CERS4: variants seen among roughly 807,000 people sequenced by gnomAD.
The protein encoded by CERS4 is LAG1 homolog, ceramide synthase 4.
CERS4 carries 65 observed loss-of-function variants against 51.8 expected under a neutral mutation model. The ratio of observed to expected loss-of-function variants is 1.26; its 90% CI spans 1.03 to 1.54. CERS4 has a LOEUF of 1.54. CERS4 is among the 40% of genes most tolerant of loss of function. The probability of loss-of-function intolerance (pLI) is 0.00; values close to 1 mark genes in which losing one functional copy is unlikely to be tolerated. For missense variants in CERS4, 563 were observed against 500.4 expected, an observed-to-expected ratio of 1.13 and a Z score of -1.19; for synonymous variants, 228 against 208.4, an observed-to-expected ratio of 1.09 and a Z score of -0.81.
At chr19:8,249,678 G>A (rs969565890) in intron 2 of CERS4, among the ~76,000 whole-genome samples, 4 of 126,726 alleles carry the variant, frequency 3.2e-5, no homozygotes, top group South Asian at 2.8e-4. Context: ...TGCAACCTCC[G>A]CCTCCCGGGT....
chr19:8,223,368 C>T (rs1367654414), intron 2 of CERS4, among the ~76,000 whole-genome samples: 1 of 151,674 alleles, frequency 6.6e-6, no homozygotes, highest in Non-Finnish European at 1.5e-5. Context: ...GTAATCCCAG[C>T]ACTTTGGGAG....
At position 8,257,922 on chromosome 19, in the gene CERS4, A is replaced by G. The variant is rs1308304086; in HGVS notation, c.785A>G (p.Asp262Gly). The G allele has an allele frequency of 1.2e-6, 2 of 1,613,840 alleles. No individual in the cohort carries two copies. The highest frequency in any genetic ancestry group is 2.7e-5 in the African/African-American group (2 of 74,894). ...VNYMQYQQVC[D>G]ALFLIFSFVF... Reference sequence around the variant, plus strand: ...TACATGCAGTATCAGCAAGTGTGCGACGCTCTCTTCCTCATCTTCTCCTTT... The same window carrying G: ...TACATGCAGTATCAGCAAGTGTGCGGCGCTCTCTTCCTCATCTTCTCCTTT... Residue 262 changes from aspartate (D) to glycine (G), a missense_variant, in exon 10 of 12, where the codon GAC (aspartate) becomes GGC (glycine). Transcript: ENST00000251363.
At chr19:8,249,983 G>A (rs987233081) in intron 2 of CERS4, among the ~76,000 whole-genome samples, 2 of 151,436 alleles carry the variant, frequency 1.3e-5, no homozygotes, top group Admixed American at 6.6e-5. Flanking sequence ...GAGGACTCAA[G>A]TTCTTTTTTT....
rs142319862 is a variant in CERS4, at chr19:8,261,710, G to T, written c.871G>T (p.Glu291Ter). The change falls in exon 11 of 12, where the codon GAG (glutamate) becomes TAG (stop). Residue 291 changes from glutamate to a stop codon, truncating the protein, a stop_gained. Transcript: ENST00000251363. LOFTEE classifies it high-confidence loss of function. ...TAGGATCCTCTACACCACATACTAC[G>T]AGTCCATCAGCAACAGGGGCCCCTT... ...PTQILYTTYY[E>*]SISNRGPFFG... 6.2e-7 allele frequency: 1 copy of T among 1,614,036 alleles called. No individual in the cohort carries two copies. Among genetic ancestry groups the T allele is most frequent in the East Asian group, 2.2e-5 (1 of 44,872 alleles).
At position 8,257,000 on chromosome 19, in the gene CERS4, T is replaced by A. The variant is rs750863025; in HGVS notation, c.664T>A (p.Phe222Ile). The change falls in exon 9 of 12, where the codon TTC becomes ATC. Residue 222 changes from phenylalanine to isoleucine, a missense_variant. By Grantham distance (21) the Phe-to-Ile change is conservative (BLOSUM62 0). Transcript: ENST00000251363. ...HHFVAVILMTFSYSANLLRIG... is the reference protein window; with the variant it reads ...HHFVAVILMTISYSANLLRIG... ...CTTCGTGGCGGTCATCCTGATGACC[T>A]TCTCCTACAGTGCCAACCTGCTGCG... 24 of 1,614,058 alleles carry A rather than the reference T, an allele frequency of 1.5e-5. No homozygotes were observed. Among genetic ancestry groups the A allele is most frequent in the Non-Finnish European group, 2.0e-5 (24 of 1,179,968 alleles).
At chr19:8,259,124 ACT>A (rs1969545956) in intron 10 of CERS4, among the ~76,000 whole-genome samples, 2 of 152,146 alleles carry the variant, frequency 1.3e-5, no homozygotes, top group Non-Finnish European at 2.9e-5. Flanking sequence ...ACAGAGCAAG[ACT>A]CTGTCTCTAA....
At chr19:8,221,183 G>A (rs144342274) in intron 2 of CERS4, among the ~76,000 whole-genome samples, 29 of 151,008 alleles carry the variant, frequency 1.9e-4, no homozygotes, top group African/African-American at 6.8e-4. Flanking sequence ...TGCTCAGGCT[G>A]GTCTTGAACT....
intron 10 of CERS4, among the ~76,000 whole-genome samples, chr19:8,260,604 GTTTT>G (rs544510608): frequency 2.6e-5 from 4 of 151,236 alleles, no homozygotes; most frequent in African/African-American, 9.7e-5. Flanking sequence ...TGAGCTTTTT[GTTTT>G]TTTCTTTCTT....
In CERS4 at chr19:8,213,778, C is replaced by G. The variant is rs561897791; in HGVS notation, c.-2+2916C>G. On this transcript the variant is annotated intron_variant, in intron 2 of 11. Transcript: ENST00000251363. ...GTCAGGAGTTCGAGACCAGCCTGGC[C>G]AATATAGTGAAACCCCGTCTCTACT... Among the ~76,000 whole-genome samples, 43 of 152,148 alleles carry G rather than the reference C, an allele frequency of 2.8e-4. 1 individual carries two copies. The South Asian group carries it at 7.9e-3, about 28-fold the overall frequency.
intron 2 of CERS4, among the ~76,000 whole-genome samples, chr19:8,248,815 A>G (rs1269083106): frequency 2.2e-5 from 3 of 139,086 alleles, no homozygotes; most frequent in African/African-American, 8.3e-5. Flanking sequence ...TGATGTTTGT[A>G]TGGGTTGATG....
At position 8,255,013 on chromosome 19, in the gene CERS4, T is replaced by C. The variant is rs368162304; in HGVS notation, c.291+397T>C. 6.6e-5 allele frequency among the ~76,000 whole-genome samples: 10 copies of C among 152,132 alleles called. No individual in the cohort carries two copies. In the East Asian group the frequency reaches 1.5e-3, roughly 24 times the overall value. On this transcript the variant is annotated intron_variant, in intron 4 of 11. Transcript: ENST00000251363. ...CTTGCTCTCCTATCCTGGGGAGGAA[T>C]GGAAGGTCTGAGCTGATAGGGAATG...
intron 2 of CERS4, among the ~76,000 whole-genome samples, chr19:8,220,825 T>TG (rs1032528277): frequency 2.0e-5 from 3 of 149,912 alleles, no homozygotes; most frequent in Non-Finnish European, 4.5e-5. Context: ...GTGTTTTTTT[T>TG]TTTGTTTTTT....
chr19:8,237,575 G>T (rs77805168), intron 2 of CERS4, among the ~76,000 whole-genome samples: 4,589 of 152,054 alleles, frequency 0.03, 232 homozygotes, highest in African/African-American at 0.1. Flanking sequence ...AGTAGGCCAG[G>T]CATGGTGGCT....
chr19:8,218,670 G>C (rs141315731), intron 2 of CERS4, among the ~76,000 whole-genome samples: 167 of 152,312 alleles, frequency 1.1e-3, no homozygotes, highest in Non-Finnish European at 1.7e-3. Context: ...GCTGAGAGAG[G>C]GATGGACTCC....
intron 3 of CERS4, among the ~76,000 whole-genome samples, chr19:8,254,061 G>A (rs1446616329): frequency 7.9e-5 from 12 of 152,050 alleles, no homozygotes; most frequent in Admixed American, 3.3e-4. Context: ...GTGGCTCACC[G>A]CTGGTAATCC....
At chr19:8,225,417 CT>C (rs35365775) in intron 2 of CERS4, among the ~76,000 whole-genome samples, 50,946 of 113,840 alleles carry the variant, frequency 0.45, 9,464 homozygotes, top group African/African-American at 0.52. Context: ...TCCAATAATT[CT>C]TTTTTTTTTT....
intron 2 of CERS4, among the ~76,000 whole-genome samples, chr19:8,244,248 C>T (rs1019444374): frequency 3.9e-5 from 6 of 152,040 alleles, no homozygotes; most frequent in African/African-American, 4.8e-5. Context: ...CCCAGCTACT[C>T]GGGAGGCTGA....
intron 2 of CERS4, among the ~76,000 whole-genome samples, chr19:8,245,125 A>AACAAAAAAAAACAAAAAAAAAC (rs1555777253): frequency 6.6e-6 from 1 of 150,818 alleles, no homozygotes; most frequent in Non-Finnish European, 1.5e-5. Context: ...AAAAAAAAAA[A>AACAAAAAAAAACAAAAAAAAAC]AAAAAAAAAA....
rs1555777241 is a variant in CERS4, at chr19:8,245,126, A to ACAAAAAAACAAAC, written c.-1-5950_-1-5949insCAAAAAAACAAAC. On this transcript the variant is annotated intron_variant, in intron 2 of 11. Transcript: ENST00000251363. ...GACTCCATCTCAAAAAAAAAAAAAAAAAAAAAAAACACTCTTGGCTTCAAG... is the reference window on the plus strand; with the variant it reads ...GACTCCATCTCAAAAAAAAAAAAAAACAAAAAAACAAACAAAAAAAAACACTCTTGGCTTCAAG... Among the ~76,000 whole-genome samples the ACAAAAAAACAAAC allele has an allele frequency of 3.6e-3, 530 of 148,232 alleles. 15 individuals are homozygous for ACAAAAAAACAAAC. Among genetic ancestry groups the ACAAAAAAACAAAC allele is most frequent in the Admixed American group, 0.023 (338 of 14,924 alleles).
Sources: allele counts gnomAD v4.1 joint callset (sites outside exome capture counted in the v4.1 genomes callset), GRCh38; gene constraint gnomAD v4.1.1; transcripts MANE v1.5; gene names NCBI Gene and HGNC (gene_info 2026-07-23, HGNC 2026-07-21).